The following IMMP2L variants were observed in gnomAD, a reference collection of about 807,000 sequenced individuals.
The protein encoded by IMMP2L is inner mitochondrial membrane peptidase subunit 2.
In IMMP2L, 18 loss-of-function variants were observed where a neutral mutation model predicts 19.3. The observed-to-expected ratio is 0.93, with a 90% CI of 0.64 to 1.38. IMMP2L has a LOEUF of 1.38. IMMP2L is among the 40% of genes most tolerant of loss of function. The pLI is 0.00. For synonymous variants in IMMP2L, 76 were observed against 73.0 expected (o/e 1.04, Z -0.21); for missense variants, 233 against 218.2 (o/e 1.07, Z -0.43).
intron 3 of IMMP2L, among the ~76,000 whole-genome samples, chr7:111,379,531 C>A (rs1830998754): frequency 6.6e-6 from 1 of 151,648 alleles, no homozygotes; most frequent in Admixed American, 6.6e-5. Flanking sequence ...ATTGATATTT[C>A]ACTGAGCCAA....
intron 5 of IMMP2L, among the ~76,000 whole-genome samples, chr7:110,664,495 G>C (rs1265660825): frequency 2.0e-5 from 3 of 152,198 alleles, no homozygotes; most frequent in Non-Finnish European, 4.4e-5. Context: ...GAGGATGGAA[G>C]AGGAGGTGAG....
At chr7:111,080,657 T>C (rs1795816898) in intron 3 of IMMP2L, among the ~76,000 whole-genome samples, 1 of 152,190 alleles carries the variant, frequency 6.6e-6, no homozygotes, top group African/African-American at 2.4e-5. Flanking sequence ...TCCATCATTC[T>C]ACACTCAATT....
intron 3 of IMMP2L, among the ~76,000 whole-genome samples, chr7:111,053,623 T>A (rs148242972): frequency 6.6e-6 from 1 of 152,260 alleles, no homozygotes; most frequent in East Asian, 1.9e-4. Flanking sequence ...TGCCTGACAT[T>A]CCTGGTGGTG....
intron 3 of IMMP2L, among the ~76,000 whole-genome samples, chr7:111,241,183 C>T (rs1175908523): frequency 1.3e-5 from 2 of 151,724 alleles, no homozygotes; most frequent in African/African-American, 2.4e-5. Flanking sequence ...TGAATATTAT[C>T]AATAAGATTA....
At chr7:111,273,604 T>C (rs1818711485) in intron 3 of IMMP2L, among the ~76,000 whole-genome samples, 1 of 152,010 alleles carries the variant, frequency 6.6e-6, no homozygotes, top group South Asian at 2.1e-4. Flanking sequence ...GCACGTGCAA[T>C]ATTGTGAGAT....
intron 4 of IMMP2L, among the ~76,000 whole-genome samples, chr7:110,953,066 A>C (rs1817996457): frequency 6.6e-6 from 1 of 151,974 alleles, no homozygotes; most frequent in African/African-American, 2.4e-5. Context: ...GATATGGGGA[A>C]CTCCCCACAG....
chr7:111,092,280 T>C (rs1278768991), intron 3 of IMMP2L, among the ~76,000 whole-genome samples: 3 of 152,338 alleles, frequency 2.0e-5, no homozygotes, highest in South Asian at 2.1e-4. Flanking sequence ...TAATCTTTGG[T>C]AATTAACAGG....
At chr7:111,344,270 A>C (rs1433679201) in intron 3 of IMMP2L, among the ~76,000 whole-genome samples, 1 of 152,092 alleles carries the variant, frequency 6.6e-6, no homozygotes, top group Non-Finnish European at 1.5e-5. Context: ...CCTCCTCCAG[A>C]TCTTGCAACA....
intron 3 of IMMP2L, among the ~76,000 whole-genome samples, chr7:111,008,638 G>A (rs911025007): frequency 2.7e-5 from 4 of 150,638 alleles, no homozygotes; most frequent in African/African-American, 4.9e-5. Context: ...TCTCTTACCT[G>A]CCCCCTATTA....
At chr7:110,767,229 G>T (rs1798726991) in intron 5 of IMMP2L, among the ~76,000 whole-genome samples, 1 of 152,114 alleles carries the variant, frequency 6.6e-6, no homozygotes, top group Non-Finnish European at 1.5e-5. Context: ...AAAAGAACCA[G>T]TTTGTGTTTT....
rs915224933 is a variant in IMMP2L at position 111,036,534 on chromosome 7, T to C, written c.240-72969A>G. ...TATCTCTAGACACTTAACTAGATTATAAGCATCAGGATCCTCTAGGGCAGG... is the reference window on the plus strand; with the variant it reads ...TATCTCTAGACACTTAACTAGATTACAAGCATCAGGATCCTCTAGGGCAGG... On this transcript the variant is annotated intron_variant, in intron 3 of 5. Coordinates refer to ENST00000405709, the MANE Select transcript of IMMP2L (RefSeq NM_032549.4). 1.3e-4 allele frequency among the ~76,000 whole-genome samples: 20 copies of C among 152,312 alleles called. 2 individuals carry two copies. The highest frequency in any genetic ancestry group is 1.1e-3 in the Admixed American group (17 of 15,282).
intron 3 of IMMP2L, among the ~76,000 whole-genome samples, chr7:111,208,572 G>A (rs1002832938): frequency 2.0e-5 from 3 of 152,110 alleles, no homozygotes; most frequent in African/African-American, 7.2e-5. Flanking sequence ...GGTTCACAAA[G>A]GATGGAGAAG....
chr7:111,370,092 C>T (rs1465383246), intron 3 of IMMP2L, among the ~76,000 whole-genome samples: 1 of 151,970 alleles, frequency 6.6e-6, no homozygotes, highest in Non-Finnish European at 1.5e-5. Flanking sequence ...AGACAAAGGA[C>T]TTCATTGTCG....
At chr7:111,499,575 A>G (rs1173747043) in intron 2 of IMMP2L, among the ~76,000 whole-genome samples, 1 of 152,194 alleles carries the variant, frequency 6.6e-6, no homozygotes, top group Non-Finnish European at 1.5e-5. Context: ...CACCAAACAT[A>G]TAATGGAAAG....
At chr7:110,896,439 T>C (rs1811327981) in intron 4 of IMMP2L, among the ~76,000 whole-genome samples, 2 of 152,158 alleles carry the variant, frequency 1.3e-5, no homozygotes, top group South Asian at 2.1e-4. Context: ...TTAAATACAA[T>C]AGTGAACTTG....
chr7:110,894,903 A>C (rs1811168223), intron 4 of IMMP2L, among the ~76,000 whole-genome samples: 2 of 151,980 alleles, frequency 1.3e-5, no homozygotes, highest in African/African-American at 4.8e-5. Flanking sequence ...TGGTTATCCA[A>C]TTTTTCCAGT....
At chr7:111,243,259 G>A (rs997126364) in intron 3 of IMMP2L, among the ~76,000 whole-genome samples, 1 of 151,794 alleles carries the variant, frequency 6.6e-6, no homozygotes, top group Admixed American at 6.6e-5. Flanking sequence ...TATTTATTAT[G>A]CTAAAAGAGT....
At chr7:110,703,808 A>G (rs772789121) in intron 5 of IMMP2L, among the ~76,000 whole-genome samples, 4 of 152,196 alleles carry the variant, frequency 2.6e-5, no homozygotes, top group Non-Finnish European at 5.9e-5. Flanking sequence ...AATTGTAATC[A>G]TGTAGAAAAT....
At chr7:110,748,434 T>C (rs569515200) in intron 5 of IMMP2L, among the ~76,000 whole-genome samples, 60 of 152,338 alleles carry the variant, frequency 3.9e-4, no homozygotes, top group African/African-American at 1.4e-3. Context: ...ACAGCCTGCA[T>C]AGCCAAGACA....
Sources: allele counts gnomAD v4.1 joint callset (sites outside exome capture counted in the v4.1 genomes callset), GRCh38; gene constraint gnomAD v4.1.1; transcripts MANE v1.5; gene names NCBI Gene and HGNC (gene_info 2026-07-23, HGNC 2026-07-21).